Variants in ZNF385D observed in about 807,000 individuals in gnomAD.
The protein encoded by ZNF385D is zinc finger protein 659.
A neutral mutation model predicts 35.8 loss-of-function variants in ZNF385D; 15 were observed. The observed-to-expected ratio is 0.42, with a 90% CI of 0.28 to 0.64. ZNF385D has a LOEUF of 0.64. Among genes scored for constraint, ZNF385D ranks in the 30% least tolerant of loss-of-function variants. ZNF385D has a pLI of 0.23. For missense variants in ZNF385D, 474 were observed against 494.6 expected, an observed-to-expected ratio of 0.96 and a Z score of 0.39; for synonymous variants, 212 against 186.8, an observed-to-expected ratio of 1.13 and a Z score of -1.10.
intron 2 of ZNF385D, among the ~76,000 whole-genome samples, chr3:22,252,064 G>C (rs1700090038): frequency 6.6e-6 from 1 of 152,028 alleles, no homozygotes; most frequent in South Asian, 2.1e-4. Context: ...TAAGAATAAG[G>C]AACTCAGGGA....
At chr3:21,981,561 A>C in intron 3 of ZNF385D, among the ~76,000 whole-genome samples, 1 of 152,092 alleles carries the variant, frequency 6.6e-6, no homozygotes, top group Admixed American at 6.6e-5. Context: ...TGCTCTTAAC[A>C]ATTAATCAGA....
intron 3 of ZNF385D, among the ~76,000 whole-genome samples, chr3:22,105,340 G>A (rs1441631406): frequency 2.7e-5 from 4 of 149,732 alleles, no homozygotes; most frequent in Non-Finnish European, 4.4e-5. Context: ...GTATTAGTCA[G>A]GACTCACTAG....
intron 1 of ZNF385D, among the ~76,000 whole-genome samples, chr3:21,676,590 G>C (rs565736581): frequency 1.3e-5 from 2 of 151,980 alleles, no homozygotes; most frequent in Non-Finnish European, 2.9e-5. Context: ...CTGTCCCTTT[G>C]AGCCTATATT....
At chr3:22,225,276 C>T (rs750031360) in intron 2 of ZNF385D, among the ~76,000 whole-genome samples, 2 of 152,044 alleles carry the variant, frequency 1.3e-5, no homozygotes, top group African/African-American at 2.4e-5. Context: ...ATGTATATCC[C>T]GTCACCCTTG....
At chr3:21,758,270 G>A (rs1040960012) in intron 3 of ZNF385D, among the ~76,000 whole-genome samples, 5 of 152,154 alleles carry the variant, frequency 3.3e-5, no homozygotes, top group African/African-American at 7.2e-5. Context: ...ATTCCTTGGC[G>A]GTTTCAACAT....
intron 2 of ZNF385D, among the ~76,000 whole-genome samples, chr3:22,217,679 T>C (rs1314019527): frequency 1.3e-5 from 2 of 152,122 alleles, no homozygotes; most frequent in Non-Finnish European, 2.9e-5. Flanking sequence ...GTACATTACA[T>C]GTTATGGCAA....
chr3:22,324,013 T>A (rs1328581534), intron 2 of ZNF385D, among the ~76,000 whole-genome samples: 1 of 151,950 alleles, frequency 6.6e-6, no homozygotes, highest in African/African-American at 2.4e-5. Flanking sequence ...AATTAAGTGT[T>A]TTAACAGAAG....
At chr3:21,792,710 C>T (rs956671829) in intron 3 of ZNF385D, among the ~76,000 whole-genome samples, 2 of 152,146 alleles carry the variant, frequency 1.3e-5, no homozygotes, top group African/African-American at 4.8e-5. Flanking sequence ...AGTCATTTCC[C>T]GTCCTGCTCA....
At chr3:21,730,237 T>C (rs1338980153) in intron 1 of ZNF385D, among the ~76,000 whole-genome samples, 3 of 152,172 alleles carry the variant, frequency 2.0e-5, no homozygotes, top group Admixed American at 2.0e-4. Flanking sequence ...GCGATGACTC[T>C]GAAAAGCCTG....
At chr3:22,137,076 G>C (rs1350680517) in intron 3 of ZNF385D, among the ~76,000 whole-genome samples, 1 of 152,176 alleles carries the variant, frequency 6.6e-6, no homozygotes, top group African/African-American at 2.4e-5. Flanking sequence ...GCCAACTACG[G>C]ACATTAGTTA....
At chr3:22,124,341 T>A (rs975933607) in intron 3 of ZNF385D, among the ~76,000 whole-genome samples, 3 of 152,158 alleles carry the variant, frequency 2.0e-5, no homozygotes, top group African/African-American at 7.2e-5. Flanking sequence ...GATGGACACT[T>A]AGGTTGATTC....
chr3:22,009,069 A>G (rs1193730033), intron 3 of ZNF385D, among the ~76,000 whole-genome samples: 5 of 152,210 alleles, frequency 3.3e-5, no homozygotes, highest in Non-Finnish European at 5.9e-5. Context: ...TATACACAGG[A>G]TAAGGGCCAG....
intron 3 of ZNF385D, among the ~76,000 whole-genome samples, chr3:21,564,257 C>T (rs1224091891): frequency 6.6e-6 from 1 of 151,972 alleles, no homozygotes; most frequent in Non-Finnish European, 1.5e-5. Context: ...TTCCATTGGT[C>T]GAAAGTTTTA....
chr3:22,295,499 G>T (rs769014224), intron 2 of ZNF385D, among the ~76,000 whole-genome samples: 1 of 152,082 alleles, frequency 6.6e-6, no homozygotes. Flanking sequence ...AAAACTGGGC[G>T]TACATGTAGG....
At chr3:22,097,748 T>C (rs1211656680) in intron 3 of ZNF385D, among the ~76,000 whole-genome samples, 1 of 152,006 alleles carries the variant, frequency 6.6e-6, no homozygotes, top group African/African-American at 2.4e-5. Flanking sequence ...CAGGCAGACT[T>C]GACAGAAAGT....
rs191566216 is a variant in ZNF385D, at chr3:22,010,221, C to T, written c.325+158596G>A. Among the ~76,000 whole-genome samples the T allele has an allele frequency of 2.2e-4, 34 of 152,234 alleles. 1 individual carries two copies. The highest frequency in any genetic ancestry group is 6.5e-4 in the African/African-American group (27 of 41,548). Reference sequence around the variant, plus strand: ...GACGAAACAGGATGAGCATGAAAGGCAGAAGCATAAAACGTGGAATGATCA... The same window carrying T: ...GACGAAACAGGATGAGCATGAAAGGTAGAAGCATAAAACGTGGAATGATCA... On this transcript the variant is annotated intron_variant, in intron 3 of 5. Transcript: ENST00000494108.
At chr3:22,102,864 T>C (rs1190446030) in intron 3 of ZNF385D, among the ~76,000 whole-genome samples, 1 of 150,146 alleles carries the variant, frequency 6.7e-6, no homozygotes, top group Non-Finnish European at 1.5e-5. Context: ...GATACATGTT[T>C]GTCTTCCCTA....
chr3:21,751,160 T>C lies in ZNF385D; in HGVS notation c.-244A>G, dbSNP rs543869559. On this transcript the variant is annotated 5_prime_UTR_variant, in exon 1 of 8. Coordinates refer to ENST00000281523, the MANE Select transcript of ZNF385D (RefSeq NM_024697.3). ...CCTGCTGCACTGCCCATCCTTACTGTAATCCGACTCCTCCTTGCGATGTCC... is the reference window on the plus strand; with the variant it reads ...CCTGCTGCACTGCCCATCCTTACTGCAATCCGACTCCTCCTTGCGATGTCC... 1.5e-5 allele frequency: 21 copies of C among 1,419,950 alleles called. No homozygotes were observed. In the East Asian group the frequency reaches 1.6e-4, roughly 11 times the overall value. The allele number at this position is 1,419,950 out of a possible 1,614,324, so 88.0% of individuals were successfully genotyped here. A position where few individuals can be genotyped will look rare whatever the true frequency, so the allele number is the denominator to read the frequency against.
intron 3 of ZNF385D, among the ~76,000 whole-genome samples, chr3:21,999,046 C>T (rs984802140): frequency 6.6e-6 from 1 of 152,158 alleles, no homozygotes; most frequent in Admixed American, 6.5e-5. Flanking sequence ...TTTACTACAC[C>T]TCCTAAGTCC....
Sources: allele counts gnomAD v4.1 joint callset (sites outside exome capture counted in the v4.1 genomes callset), GRCh38; gene constraint gnomAD v4.1.1; transcripts MANE v1.5; gene names NCBI Gene and HGNC (gene_info 2026-07-23, HGNC 2026-07-21).